Variants in PDE1C observed in about 807,000 individuals in gnomAD.
PDE1C encodes the protein dual specificity calcium/calmodulin-dependent 3',5'-cyclic nucleotide phosphodiesterase 1C.
PDE1C carries 62 observed loss-of-function variants against 93.1 expected under a neutral mutation model. The ratio of observed to expected loss-of-function variants is 0.67; its 90% confidence interval spans 0.54 to 0.82. The LOEUF (loss-of-function observed/expected upper bound fraction) is 0.82. Among genes scored for constraint, PDE1C ranks in the 40% least tolerant of loss-of-function variants. The probability of loss-of-function intolerance (pLI) is 0.00; values close to 1 mark genes in which losing one functional copy is unlikely to be tolerated. For missense variants in PDE1C, 742 were observed against 884.6 expected (o/e 0.84, Z 2.04); for synonymous variants, 325 against 310.1 (o/e 1.05, Z -0.50).
chr7:32,037,322 G>T (rs992001733), intron 2 of PDE1C, among the ~76,000 whole-genome samples: 1 of 152,078 alleles, frequency 6.6e-6, no homozygotes, highest in Admixed American at 6.6e-5. Flanking sequence ...GCCCTTAGGG[G>T]AGTGATAATC....
intron 1 of PDE1C, among the ~76,000 whole-genome samples, chr7:32,393,136 G>C (rs1257991883): frequency 2.7e-5 from 4 of 149,808 alleles, no homozygotes; most frequent in African/African-American, 9.8e-5. Context: ...AGATCATCTA[G>C]GAAAAACTTA....
the PDE1C span, among the ~76,000 whole-genome samples, chr7:31,630,473 C>T: frequency 6.6e-5 from 10 of 152,106 alleles, no homozygotes; most frequent in South Asian, 1.7e-3. Context: ...ACTTGTGTCC[C>T]AATTCTCATT....
intron 1 of PDE1C, among the ~76,000 whole-genome samples, chr7:32,369,215 T>C (rs75424127): frequency 6.6e-6 from 1 of 151,988 alleles, no homozygotes; most frequent in African/African-American, 2.4e-5. Context: ...ACCTACAGAA[T>C]GGAAAAAAAT....
intron 2 of PDE1C, among the ~76,000 whole-genome samples, chr7:31,995,329 G>C (rs1054838711): frequency 6.6e-6 from 1 of 152,130 alleles, no homozygotes; most frequent in African/African-American, 2.4e-5. Flanking sequence ...GGACAAGAGA[G>C]TCCATTACGC....
chr7:32,075,555 G>C (rs1796303021), upstream of PDE1C, among the ~76,000 whole-genome samples: 1 of 151,998 alleles, frequency 6.6e-6, no homozygotes, highest in Non-Finnish European at 1.5e-5. Flanking sequence ...TTATAATTTG[G>C]GGCAGACTCT....
chr7:31,660,440 T>C, the PDE1C span, among the ~76,000 whole-genome samples: 1 of 152,268 alleles, frequency 6.6e-6, no homozygotes, highest in East Asian at 1.9e-4. Context: ...TTCTTTTAAA[T>C]CACTACCAAG....
At position 31,763,995 on chromosome 7, in the gene PDE1C, T is replaced by A. The variant is rs572364829; in HGVS notation, c.1961-10442A>T. ...TATTATGTATATATTATATATATTT[T>A]TATATATATATTTTATATACATATA... On this transcript the variant is annotated intron_variant, in intron 17 of 17. Coordinates refer to ENST00000396191, the MANE Select transcript of PDE1C (RefSeq NM_001191057.4). 2.4e-3 allele frequency among the ~76,000 whole-genome samples: 355 copies of A among 148,426 alleles called. 3 individuals are homozygous for A. The highest frequency in any genetic ancestry group is 7.9e-3 in the African/African-American group (324 of 40,940).
chr7:32,188,417 T>C (rs1471653373), intron 2 of PDE1C, among the ~76,000 whole-genome samples: 3 of 152,104 alleles, frequency 2.0e-5, no homozygotes, highest in African/African-American at 7.2e-5. Context: ...TACTACCTTT[T>C]CTCATCATTT....
chr7:31,913,687 C>A (rs1490436359), intron 2 of PDE1C, among the ~76,000 whole-genome samples: 1 of 152,168 alleles, frequency 6.6e-6, no homozygotes, highest in Non-Finnish European at 1.5e-5. Context: ...AAGACAAGAG[C>A]AGTCTAGAGA....
chr7:31,811,386 T>C (rs768575065), intron 15 of PDE1C, among the ~76,000 whole-genome samples: 29 of 151,970 alleles, frequency 1.9e-4, no homozygotes, highest in East Asian at 1.9e-4. Context: ...ACACACTAGG[T>C]GGAAGAATTG....
intron 2 of PDE1C, among the ~76,000 whole-genome samples, chr7:32,049,257 A>G (rs1419070685): frequency 1.3e-5 from 2 of 152,168 alleles, no homozygotes; most frequent in African/African-American, 2.4e-5. Flanking sequence ...CTATATTTAG[A>G]AAAGTACAGC....
intron 1 of PDE1C, among the ~76,000 whole-genome samples, chr7:32,418,021 C>T (rs1408842017): frequency 2.6e-5 from 4 of 152,166 alleles, no homozygotes; most frequent in African/African-American, 9.7e-5. Context: ...GACAGAATCT[C>T]ACACTGTGAC....
At chr7:32,308,284 C>T (rs1813069353) in intron 1 of PDE1C, among the ~76,000 whole-genome samples, 1 of 152,238 alleles carries the variant, frequency 6.6e-6, no homozygotes, top group South Asian at 2.1e-4. Context: ...CTGCCTGCCT[C>T]TGTAGGCTCC....
chr7:31,936,281 T>C (rs73686827), intron 2 of PDE1C, among the ~76,000 whole-genome samples: 11,482 of 152,186 alleles, frequency 0.075, 797 homozygotes, highest in African/African-American at 0.19. Context: ...TCCATGTCTT[T>C]GCTTCTACCA....
chr7:31,962,314 C>T (rs1809111208), intron 2 of PDE1C, among the ~76,000 whole-genome samples: 2 of 152,162 alleles, frequency 1.3e-5, no homozygotes, highest in African/African-American at 2.4e-5. Flanking sequence ...CTGTTCAGTG[C>T]CAGCCCTGGA....
chr7:32,317,885 C>T (rs952326058), intron 1 of PDE1C, among the ~76,000 whole-genome samples: 3 of 152,098 alleles, frequency 2.0e-5, no homozygotes, highest in African/African-American at 7.2e-5. Flanking sequence ...ATCATTGTGT[C>T]CTTGTCACCA....
chr7:32,311,799 T>C (rs1225011210), intron 1 of PDE1C, among the ~76,000 whole-genome samples: 1 of 152,166 alleles, frequency 6.6e-6, no homozygotes, highest in Non-Finnish European at 1.5e-5. Context: ...GCCAATATCA[T>C]ACTGAATGGG....
chr7:32,120,097 C>T (rs889986874), intron 3 of PDE1C, among the ~76,000 whole-genome samples: 1 of 152,224 alleles, frequency 6.6e-6, no homozygotes, highest in East Asian at 1.9e-4. Context: ...GTGCCCCCCA[C>T]AGCCCCACAC....
At chr7:31,620,891 C>T in the PDE1C span, among the ~76,000 whole-genome samples, 1 of 151,974 alleles carries the variant, frequency 6.6e-6, no homozygotes, top group Middle Eastern at 3.4e-3. Flanking sequence ...ACTAGAATAA[C>T]CAATACAGAG....
Sources: gnomAD v4.1 joint callset for allele counts (sites outside exome capture counted in the v4.1 genomes callset) on GRCh38, gnomAD v4.1.1 for gene constraint, MANE v1.5 for transcripts, NCBI Gene and HGNC (gene_info 2026-07-23, HGNC 2026-07-21) for gene names.